The following PM20D2 variants were observed in gnomAD, a reference collection of about 807,000 sequenced individuals.
PM20D2 encodes the protein peptidase M20 domain containing 2.
In PM20D2, 33 loss-of-function variants were observed where a neutral mutation model predicts 42.9. The ratio of observed to expected loss-of-function variants is 0.77; its 90% CI spans 0.58 to 1.03. The LOEUF (loss-of-function observed/expected upper bound fraction) is 1.03. Ranked by LOEUF, PM20D2 falls within the 50% of genes least tolerant of loss-of-function variation. PM20D2 has a pLI of 0.00. For synonymous variants in PM20D2, 250 were observed against 228.2 expected, an observed-to-expected ratio of 1.10 and a Z score of -0.86; for missense variants, 548 against 557.0, an observed-to-expected ratio of 0.98 and a Z score of 0.16.
chr6:89,136,689 T>A, the PM20D2 span, among the ~76,000 whole-genome samples: 1 of 150,818 alleles, frequency 6.6e-6, no homozygotes, highest in Non-Finnish European at 1.5e-5. Context: ...AAAAAAAAAA[T>A]TTCTAACCAG....
the PM20D2 span, among the ~76,000 whole-genome samples, chr6:89,100,083 G>A: frequency 6.6e-6 from 1 of 152,152 alleles, no homozygotes; most frequent in African/African-American, 2.4e-5. Context: ...AAAAACTCTA[G>A]AGAAGAGTGA....
chr6:89,097,807 T>C, the PM20D2 span: 2 of 152,224 alleles, frequency 1.3e-5, no homozygotes, highest in South Asian at 4.1e-4. Context: ...TTATACAAAA[T>C]GTACCATTCT....
intron 5 of PM20D2, among the ~76,000 whole-genome samples, chr6:89,160,789 G>C: frequency 6.6e-6 from 1 of 152,214 alleles, no homozygotes; most frequent in African/African-American, 2.4e-5. Flanking sequence ...ATGGGAAGGT[G>C]AAGTAAGTAA....
the PM20D2 span, among the ~76,000 whole-genome samples, chr6:89,107,659 T>G: frequency 0.063 from 9,550 of 151,942 alleles, 875 homozygotes; most frequent in African/African-American, 0.2. Context: ...TGAGTGAGCA[T>G]GGGGAGGTTG....
upstream of PM20D2, among the ~76,000 whole-genome samples, chr6:89,144,747 T>A (rs1770463888): frequency 6.6e-6 from 1 of 152,228 alleles, no homozygotes; most frequent in African/African-American, 2.4e-5. Context: ...GCCAACTAAC[T>A]GAGCAGGATA....
the PM20D2 span, among the ~76,000 whole-genome samples, chr6:89,129,443 C>T: frequency 6.6e-6 from 1 of 152,116 alleles, no homozygotes; most frequent in Admixed American, 6.6e-5. Context: ...ATGATAGTGC[C>T]ACTGCTTTCC....
the PM20D2 span, among the ~76,000 whole-genome samples, chr6:89,129,866 T>C: frequency 1.7e-4 from 26 of 152,058 alleles, no homozygotes; most frequent in Admixed American, 1.6e-3. Flanking sequence ...CAGCTGGGAC[T>C]ACAGGTGTGT....
chr6:89,139,298 C>A, the PM20D2 span, among the ~76,000 whole-genome samples: 3 of 152,260 alleles, frequency 2.0e-5, no homozygotes, highest in South Asian at 6.2e-4. Flanking sequence ...TGGTCTCAAA[C>A]TCCTGGCCTC....
chr6:89,133,197 C>G, the PM20D2 span, among the ~76,000 whole-genome samples: 1 of 150,136 alleles, frequency 6.7e-6, no homozygotes, highest in Non-Finnish European at 1.5e-5. Context: ...CCACTGCACT[C>G]CAACCTGGGC....
chr6:89,096,151 AATTCT>A, the PM20D2 span: 2 of 151,380 alleles, frequency 1.3e-5, no homozygotes, highest in Non-Finnish European at 2.9e-5. Context: ...TCCTTTTTCT[AATTCT>A]ATTCTCTCAT....
At chr6:89,159,078 T>G (rs997981545) in intron 5 of PM20D2, among the ~76,000 whole-genome samples, 10 of 152,174 alleles carry the variant, frequency 6.6e-5, no homozygotes, top group Non-Finnish European at 1.0e-4. Flanking sequence ...GGGGTTGTTA[T>G]AAATTATTAG....
chr6:89,103,305 G>A, the PM20D2 span, among the ~76,000 whole-genome samples: 1 of 151,702 alleles, frequency 6.6e-6, no homozygotes, highest in Non-Finnish European at 1.5e-5. Flanking sequence ...AGGCTGTAAT[G>A]CATTTAGAAA....
the PM20D2 span, chr6:89,098,674 C>CAGAATTGTAAATCT: frequency 6.2e-7 from 1 of 1,613,958 alleles, no homozygotes; most frequent in Non-Finnish European, 8.5e-7. Flanking sequence ...AATTGGTATA[C>CAGAATTGTAAATCT]CCTTTGGGAG....
At chr6:89,150,155 G>A (rs991314022) in intron 2 of PM20D2, among the ~76,000 whole-genome samples, 1 of 152,190 alleles carries the variant, frequency 6.6e-6, no homozygotes, top group African/African-American at 2.4e-5. Flanking sequence ...AACCATCACA[G>A]CAGTGCTTCT....
At chr6:89,114,254 C>A in the PM20D2 span, among the ~76,000 whole-genome samples, 1 of 152,044 alleles carries the variant, frequency 6.6e-6, no homozygotes, top group Non-Finnish European at 1.5e-5. Context: ...ATGATGAAAC[C>A]CCGTCTCTAC....
intron 1 of PM20D2, among the ~76,000 whole-genome samples, chr6:89,148,280 A>G (rs1770680375): frequency 6.6e-6 from 1 of 151,762 alleles, no homozygotes; most frequent in Admixed American, 6.6e-5. Flanking sequence ...CTCCCGGCCC[A>G]CTCTTCTAAC....
the PM20D2 span, among the ~76,000 whole-genome samples, chr6:89,136,377 T>C: frequency 6.6e-6 from 1 of 151,300 alleles, no homozygotes; most frequent in African/African-American, 2.5e-5. Context: ...ACTTAAATCT[T>C]TTAAAATTTC....
the PM20D2 span, among the ~76,000 whole-genome samples, chr6:89,115,700 G>A: frequency 2.7e-5 from 4 of 148,116 alleles, no homozygotes; most frequent in Non-Finnish European, 5.9e-5. Flanking sequence ...GCAGTGGCGC[G>A]ATGTTGGCTC....
Position 89,162,759 on chromosome 6 carries a change from G to A in PM20D2, c.*496G>A, listed in dbSNP as rs1771288475. 1 of 152,094 alleles carries A rather than the reference G, an allele frequency of 6.6e-6. No individual in the cohort carries two copies. The highest frequency in any genetic ancestry group is 2.4e-5 in the African/African-American group (1 of 41,284). The allele number at this position is 152,094 out of a possible 1,614,324, so 9.4% of individuals were successfully genotyped here. ...TCCTCTACCAGATTGTATATTTGAA[G>A]CCAGTGTCTTTCCTTTTTTTGTTTT... On this transcript the variant is annotated 3_prime_UTR_variant, in exon 7 of 7. Coordinates refer to ENST00000275072, the MANE Select transcript of PM20D2 (RefSeq NM_001010853.3).
Sources: gnomAD v4.1 joint callset for allele counts (sites outside exome capture counted in the v4.1 genomes callset) on GRCh38, gnomAD v4.1.1 for gene constraint, MANE v1.5 for transcripts, NCBI Gene and HGNC (gene_info 2026-07-23, HGNC 2026-07-21) for gene names.